CHSY3: variants seen among roughly 807,000 people sequenced by gnomAD.
CHSY3 encodes the protein N-acetylgalactosaminyl-proteoglycan 3-beta-glucuronosyltransferase 3.
In CHSY3, 35 loss-of-function variants were observed where a neutral mutation model predicts 67.2. The observed-to-expected ratio is 0.52, with a 90% CI of 0.40 to 0.69. The LOEUF (loss-of-function observed/expected upper bound fraction) is 0.69. Among genes scored for constraint, CHSY3 ranks in the 30% least tolerant of loss-of-function variants. The pLI, the probability that CHSY3 is intolerant of heterozygous loss-of-function variation, is 0.00. For synonymous variants in CHSY3, 474 were observed against 434.7 expected (o/e 1.09, Z -1.12); for missense variants, 1,069 against 1,138.5 (o/e 0.94, Z 0.88).
At chr5:130,183,026 CA>C (rs1770296766) in intron 2 of CHSY3, among the ~76,000 whole-genome samples, 1 of 151,522 alleles carries the variant, frequency 6.6e-6, no homozygotes, top group Admixed American at 6.6e-5. Context: ...CTTAAGTTTG[CA>C]ATATTTCTTT....
chr5:129,968,305 T>A (rs1173526633), intron 2 of CHSY3, among the ~76,000 whole-genome samples: 5 of 151,924 alleles, frequency 3.3e-5, no homozygotes, highest in South Asian at 2.1e-4. Flanking sequence ...TAACATTTTT[T>A]AAATTTGAAC....
chr5:130,104,994 A>G (rs951405941), intron 2 of CHSY3, among the ~76,000 whole-genome samples: 49 of 151,766 alleles, frequency 3.2e-4, no homozygotes, highest in African/African-American at 1.2e-3. Context: ...GGTTAGACTG[A>G]TAGACAGTCA....
intron 2 of CHSY3, among the ~76,000 whole-genome samples, chr5:130,102,095 A>G (rs778539659): frequency 1.3e-5 from 2 of 152,082 alleles, no homozygotes; most frequent in Non-Finnish European, 2.9e-5. Context: ...ATTGGGCTTG[A>G]TATCTTTCAC....
At chr5:129,979,072 C>A (rs1411340249) in intron 2 of CHSY3, among the ~76,000 whole-genome samples, 1 of 151,148 alleles carries the variant, frequency 6.6e-6, no homozygotes, top group Non-Finnish European at 1.5e-5. Flanking sequence ...TGGTGGTGGG[C>A]GCCTGTAGTC....
chr5:130,156,109 T>C (rs1408814693), intron 2 of CHSY3, among the ~76,000 whole-genome samples: 5 of 152,118 alleles, frequency 3.3e-5, no homozygotes, highest in African/African-American at 9.7e-5. Context: ...CTACCTGGAG[T>C]AATTTTTTTC....
intron 2 of CHSY3, among the ~76,000 whole-genome samples, chr5:130,007,912 T>C: frequency 6.6e-6 from 1 of 152,262 alleles, no homozygotes; most frequent in African/African-American, 2.4e-5. Flanking sequence ...GCCTCAGATG[T>C]TCATATGGGG....
At chr5:129,903,980 G>T (rs1312515836), upstream of CHSY3, among the ~76,000 whole-genome samples, 2 of 152,198 alleles carry the variant, frequency 1.3e-5, no homozygotes, top group Non-Finnish European at 2.9e-5. Context: ...GTCACGCCAG[G>T]ACGTACCCGG....
intron 2 of CHSY3, among the ~76,000 whole-genome samples, chr5:130,135,987 G>A (rs1768647975): frequency 6.6e-6 from 1 of 152,132 alleles, no homozygotes; most frequent in African/African-American, 2.4e-5. Flanking sequence ...ATTATGCCAT[G>A]TGTTTAAAAT....
At chr5:130,121,746 A>ATCT (rs1482275915) in intron 2 of CHSY3, among the ~76,000 whole-genome samples, 1 of 152,238 alleles carries the variant, frequency 6.6e-6, no homozygotes, top group Admixed American at 6.5e-5. Context: ...GGTGATAGAA[A>ATCT]AACAATGAGG....
chr5:130,024,457 G>A (rs1764482537), intron 2 of CHSY3, among the ~76,000 whole-genome samples: 2 of 152,148 alleles, frequency 1.3e-5, no homozygotes, highest in Non-Finnish European at 2.9e-5. Context: ...AATTAGTTTG[G>A]GAAGTGTTTA....
intron 2 of CHSY3, among the ~76,000 whole-genome samples, chr5:129,932,140 A>ATGTATATATATATATATATATATG (rs1554070945): frequency 7.3e-6 from 1 of 136,348 alleles, no homozygotes; most frequent in African/African-American, 3.0e-5. Context: ...ATATATATAT[A>ATGTATATATATATATATATATATG]TATGTATATG....
chr5:129,951,231 C>T (rs1762015330), intron 2 of CHSY3, among the ~76,000 whole-genome samples: 1 of 152,096 alleles, frequency 6.6e-6, no homozygotes, highest in South Asian at 2.1e-4. Context: ...TTACATCACT[C>T]CCCAAAGTCA....
At chr5:130,088,780 T>A (rs1463217693) in intron 2 of CHSY3, among the ~76,000 whole-genome samples, 1 of 152,126 alleles carries the variant, frequency 6.6e-6, no homozygotes, top group African/African-American at 2.4e-5. Context: ...GGTGGGACTG[T>A]AAACTAGTTC....
At chr5:130,049,807 G>A (rs1025282794) in intron 2 of CHSY3, among the ~76,000 whole-genome samples, 6 of 147,460 alleles carry the variant, frequency 4.1e-5, no homozygotes, top group African/African-American at 7.5e-5. Context: ...CAATAACCAC[G>A]CCTCTTCTTT....
chr5:130,054,995 T>C (rs1335388686), intron 2 of CHSY3, among the ~76,000 whole-genome samples: 1 of 152,138 alleles, frequency 6.6e-6, no homozygotes, highest in Non-Finnish European at 1.5e-5. Context: ...TCTCACTCCC[T>C]GGTCCAAGTG....
chr5:130,055,350 T>A (rs10078488), intron 2 of CHSY3, among the ~76,000 whole-genome samples: 9,761 of 152,112 alleles, frequency 0.064, 1,071 homozygotes, highest in African/African-American at 0.22. Context: ...AGATAGCTTT[T>A]GTTTTTATTT....
At chr5:130,066,255 A>G (rs1765880742) in intron 2 of CHSY3, among the ~76,000 whole-genome samples, 1 of 152,034 alleles carries the variant, frequency 6.6e-6, no homozygotes, top group Non-Finnish European at 1.5e-5. Context: ...TTTGCACACA[A>G]CTATGCTGGG....
intron 2 of CHSY3, among the ~76,000 whole-genome samples, chr5:130,000,630 T>C (rs992201043): frequency 3.3e-5 from 5 of 150,444 alleles, no homozygotes; most frequent in East Asian, 2.0e-4. Context: ...TGGAGTGCAG[T>C]GGCACAATCA....
At chr5:130,002,331 C>G (rs1374629114) in intron 2 of CHSY3, 1 of 152,280 alleles carries the variant, frequency 6.6e-6, no homozygotes, top group Non-Finnish European at 1.5e-5. Context: ...GCTTCCGGCC[C>G]AGGCTGATTT....
Sources: allele counts gnomAD v4.1 joint callset (sites outside exome capture counted in the v4.1 genomes callset), GRCh38; gene constraint gnomAD v4.1.1; transcripts MANE v1.5; gene names NCBI Gene and HGNC (gene_info 2026-07-23, HGNC 2026-07-21).